Variants in RUNX1T1 observed in about 807,000 individuals in gnomAD.
RUNX1T1 encodes protein CBFA2T1.
A neutral mutation model predicts 62.8 loss-of-function variants in RUNX1T1; 4 were observed. The observed-to-expected ratio is 0.06, with a 90% CI of 0.03 to 0.15. The LOEUF (loss-of-function observed/expected upper bound fraction) is 0.15. Ranked by LOEUF, RUNX1T1 falls within the 10% of genes least tolerant of loss-of-function variation. The pLI, the probability that RUNX1T1 is intolerant of heterozygous loss-of-function variation, is 1.00. For missense variants in RUNX1T1, 508 were observed against 754.3 expected (o/e 0.67, Z 3.82); for synonymous variants, 291 against 286.0 (o/e 1.02, Z -0.18).
intron 8 of RUNX1T1, among the ~76,000 whole-genome samples, chr8:91,980,221 C>T (rs1466082615): frequency 4.6e-5 from 7 of 152,096 alleles, no homozygotes; most frequent in Non-Finnish European, 1.0e-4. Flanking sequence ...TATTTTTAAA[C>T]CCAATATAGT....
intron 1 of RUNX1T1, among the ~76,000 whole-genome samples, chr8:92,024,073 G>C (rs1274917844): frequency 6.6e-6 from 1 of 152,134 alleles, no homozygotes; most frequent in South Asian, 2.1e-4. Context: ...TAGTGAATAC[G>C]AGGGACTTGT....
intron 5 of RUNX1T1, among the ~76,000 whole-genome samples, chr8:91,996,471 G>A (rs1295421019): frequency 1.3e-5 from 2 of 152,190 alleles, no homozygotes; most frequent in Non-Finnish European, 2.9e-5. Context: ...AAAGTGCTGG[G>A]ATTACAGGCG....
intron 1 of RUNX1T1, among the ~76,000 whole-genome samples, chr8:92,085,873 TC>T (rs1836031226): frequency 6.6e-6 from 1 of 152,178 alleles, no homozygotes; most frequent in African/African-American, 2.4e-5. Context: ...TTAAAGAAAT[TC>T]CTTTACTTTT....
At chr8:92,014,669 C>T in exon 3 of RUNX1T1, 3 of 1,614,064 alleles carry the variant, frequency 1.9e-6, no homozygotes, top group African/African-American at 2.7e-5. Flanking sequence ...GGAACCTTTT[C>T]AGCTTGCTGA....
At chr8:91,975,883 C>A (rs1490453495) in intron 9 of RUNX1T1, 22 bp downstream of exon 10, 1 of 1,561,986 alleles carries the variant, frequency 6.4e-7, no homozygotes, top group African/African-American at 1.4e-5. Flanking sequence ...ACACGAAACT[C>A]ATGTTTTTAA....
intron 2 of RUNX1T1, among the ~76,000 whole-genome samples, chr8:92,072,512 A>G (rs1246054907): frequency 4.6e-5 from 7 of 152,258 alleles, no homozygotes; most frequent in Non-Finnish European, 7.3e-5. Flanking sequence ...AAATCCATAC[A>G]GTAAAATATT....
intron 7 of RUNX1T1, 86 bp downstream of exon 8, chr8:91,986,801 A>C: frequency 1.1e-6 from 1 of 880,482 alleles, no homozygotes; most frequent in East Asian, 2.4e-5. Context: ...CCTTCAAAGG[A>C]TCACCAAGCT....
intron 1 of RUNX1T1, among the ~76,000 whole-genome samples, chr8:92,058,702 T>C (rs1157059429): frequency 6.6e-6 from 1 of 152,188 alleles, no homozygotes. Flanking sequence ...CTAAAATATA[T>C]ATATCTGTTC....
At chr8:92,077,717 CT>C (rs1313346048) in intron 1 of RUNX1T1, among the ~76,000 whole-genome samples, 2 of 152,032 alleles carry the variant, frequency 1.3e-5, no homozygotes, top group East Asian at 3.9e-4. Context: ...GATCATGCCC[CT>C]ATATGAGCCA....
intron 1 of RUNX1T1, among the ~76,000 whole-genome samples, chr8:92,018,094 C>T (rs1168641198): frequency 6.6e-6 from 1 of 152,122 alleles, no homozygotes; most frequent in African/African-American, 2.4e-5. Context: ...AAGAACTAGA[C>T]ACTGCTAATA....
chr8:91,955,044 G>A (rs1809147773), downstream of RUNX1T1: 2 of 207,182 alleles, frequency 9.7e-6, no homozygotes, highest in East Asian at 1.5e-4. Context: ...GCACTCCTTT[G>A]CTCATTTCTT....
intron 1 of RUNX1T1, among the ~76,000 whole-genome samples, chr8:92,044,072 T>G (rs910435916): frequency 6.6e-6 from 1 of 151,488 alleles, no homozygotes; most frequent in African/African-American, 2.4e-5. Context: ...TTACTATCCA[T>G]GATAACAGGA....
intron 4 of RUNX1T1, 120 bp from the exon 6 acceptor site, chr8:92,005,417 G>C: frequency 1.2e-6 from 1 of 820,042 alleles, no homozygotes; most frequent in Admixed American, 3.2e-5. Context: ...AAGGTCAAAT[G>C]CATGCCATGG....
chr8:91,959,341 G>A (rs1467800119), exon 11 of RUNX1T1: 1 of 225,030 alleles, frequency 4.4e-6, no homozygotes, highest in East Asian at 6.2e-5. Context: ...AAACGTTGAA[G>A]GGTTATTTAG....
At chr8:92,052,726 T>A (rs138686688) in intron 1 of RUNX1T1, among the ~76,000 whole-genome samples, 2 of 152,176 alleles carry the variant, frequency 1.3e-5, no homozygotes, top group African/African-American at 4.8e-5. Flanking sequence ...TCTGACTCAG[T>A]AGGCTTGGGA....
chr8:92,079,987 C>T (rs1033636654), intron 1 of RUNX1T1, among the ~76,000 whole-genome samples: 2 of 151,942 alleles, frequency 1.3e-5, no homozygotes, highest in Admixed American at 6.6e-5. Flanking sequence ...GTCCCCCCAC[C>T]CTCTGCATCA....
chr8:92,023,063 G>T (rs553529512), intron 1 of RUNX1T1, among the ~76,000 whole-genome samples: 12 of 152,096 alleles, frequency 7.9e-5, no homozygotes, highest in Non-Finnish European at 1.2e-4. Flanking sequence ...AGGCTTCAGA[G>T]GTGGGTGATG....
chr8:92,038,351 G>A (rs920265214), intron 1 of RUNX1T1, among the ~76,000 whole-genome samples: 8 of 151,976 alleles, frequency 5.3e-5, no homozygotes, highest in Non-Finnish European at 1.2e-4. Context: ...AATCCTGAAG[G>A]CAGGATTCTA....
chr8:91,957,483 T>A, downstream of RUNX1T1: 2 of 218,498 alleles, frequency 9.2e-6, no homozygotes, highest in Non-Finnish European at 1.7e-5. Context: ...GAATCAGAGA[T>A]AGAGCTCAGA....
Sources: gnomAD v4.1 joint callset for allele counts (sites outside exome capture counted in the v4.1 genomes callset) on GRCh38, gnomAD v4.1.1 for gene constraint, MANE v1.5 for transcripts, NCBI Gene and HGNC (gene_info 2026-07-23, HGNC 2026-07-21) for gene names.